The following ZNF236 variants were observed in gnomAD, a reference collection of about 807,000 sequenced individuals.
ZNF236 encodes the protein regulated by glucose.
A neutral mutation model predicts 191.2 loss-of-function variants in ZNF236; 50 were observed. The observed-to-expected ratio is 0.26, with a 90% CI of 0.21 to 0.33. ZNF236 has a LOEUF of 0.33. Ranked by LOEUF, ZNF236 falls within the 10% of genes least tolerant of loss-of-function variation. The pLI is 1.00. For missense variants in ZNF236, 1,754 were observed against 2,374.5 expected (o/e 0.74, Z 5.43); for synonymous variants, 907 against 928.8 (o/e 0.98, Z 0.43).
At chr18:76,838,449 G>A (rs1286751949) in intron 1 of ZNF236, among the ~76,000 whole-genome samples, 2 of 152,174 alleles carry the variant, frequency 1.3e-5, no homozygotes, top group Admixed American at 1.3e-4. Context: ...GAAATTTCAG[G>A]GATTGCAGTC....
At chr18:76,944,430 A>T (rs1968209038) in intron 26 of ZNF236, among the ~76,000 whole-genome samples, 1 of 152,254 alleles carries the variant, frequency 6.6e-6, no homozygotes, top group African/African-American at 2.4e-5. Context: ...TTCCATAAGT[A>T]TAGCTAATCG....
intron 9 of ZNF236, among the ~76,000 whole-genome samples, chr18:76,884,400 CAAA>C (rs58881647): frequency 1.1e-5 from 1 of 93,000 alleles, no homozygotes; most frequent in East Asian, 3.3e-4. Flanking sequence ...GACTCCATCT[CAAA>C]AAAAAAAAAA....
intron 10 of ZNF236, among the ~76,000 whole-genome samples, chr18:76,897,213 TAGTACTGCACACAGGTACCAAAC>T (rs1243052061): frequency 4.2e-5 from 6 of 144,542 alleles, no homozygotes; most frequent in Non-Finnish European, 9.0e-5. Flanking sequence ...GTACCAAACA[TAGTACTGCACACAGGTACCAAAC>T]AGTACTGCCC....
At chr18:76,923,015 A>C (rs1217512780) in intron 20 of ZNF236, 56 bp from the exon 21 acceptor site, 1 of 1,333,036 alleles carries the variant, frequency 7.5e-7, no homozygotes, top group Non-Finnish European at 1.1e-6. Context: ...ATAGTTATAA[A>C]TTTCAAATCA....
At chr18:76,898,603 A>G (rs1464620667) in intron 10 of ZNF236, among the ~76,000 whole-genome samples, 1 of 152,204 alleles carries the variant, frequency 6.6e-6, no homozygotes, top group Non-Finnish European at 1.5e-5. Context: ...TTTATTTGCA[A>G]AATGTGAGAC....
At position 76,904,444 on chromosome 18, in the gene ZNF236, T is replaced by C; in HGVS notation, c.1959T>C (p.Asn653=). 2 of 1,611,554 alleles carry C rather than the reference T, an allele frequency of 1.2e-6. No homozygotes were observed. The highest frequency in any genetic ancestry group is 2.2e-5 in the East Asian group (1 of 44,588). The part of the protein sequence containing the change: ...FQSYFNNNFV[N]EADRPYKCFY... ...GCTATTTCAATAATAATTTTGTCAA[T>C]GAAGCAGATAGACCATACAAGTGTT... Residue 653 remains asparagine (N), a synonymous_variant, in exon 12 of 31, where the codon AAT becomes AAC. Coordinates refer to ENST00000320610, the MANE Select transcript of ZNF236 (RefSeq NM_001306089.2).
chr18:76,968,229 T>C lies in ZNF236; in HGVS notation c.5434T>C (p.Ser1812Pro), dbSNP rs1273449900. 2 of 1,613,672 alleles carry C rather than the reference T, an allele frequency of 1.2e-6. No individual in the cohort carries two copies. Among genetic ancestry groups the C allele is most frequent in the Admixed American group, 3.3e-5 (2 of 59,934 alleles). Residue 1812 changes from serine to proline, a missense_variant, in exon 31 of 31, where the codon TCT becomes CCT. This residue lies in a region of ZNF236 where 606 missense variants were observed against 761.5 expected (regional missense o/e 0.80). Transcript: ENST00000320610. Reference protein sequence around the residue: ...AHSYAGALQESAGHPEQDGEE... With the variant: ...AHSYAGALQEPAGHPEQDGEE... ...CTGCATAACAGGAGCTCTGCAGGAG[T>C]CTGCAGGTCACCCGGAGCAGGACGG...
chr18:76,866,507 C>G (rs1345320653), intron 3 of ZNF236, among the ~76,000 whole-genome samples: 3 of 152,124 alleles, frequency 2.0e-5, no homozygotes, highest in African/African-American at 7.2e-5. Flanking sequence ...ATCCGAGGGC[C>G]GGGGTTGGAC....
intron 25 of ZNF236, among the ~76,000 whole-genome samples, chr18:76,928,432 T>A (rs967885811): frequency 2.6e-5 from 4 of 152,232 alleles, no homozygotes; most frequent in Non-Finnish European, 5.9e-5. Context: ...TTCTCACTCA[T>A]GCTCCATGAA....
In ZNF236 at chr18:76,919,634, A is replaced by C. The variant is rs1599394200; in HGVS notation, c.3275-142A>C. ...TTTCTCAATAGAGGTGGGAAAATAT[A>C]GCAACTCTCTACCATCATAAAAATA... On this transcript the variant is annotated intron_variant, in intron 19 of 30. Transcript: ENST00000320610. The surrounding 1 kb of genome is among the most constrained non-coding windows in gnomAD (Gnocchi z 5.3). 9.8e-7 allele frequency: 1 copy of C among 1,023,178 alleles called. No homozygotes were observed. The highest frequency in any genetic ancestry group is 1.6e-5 in the African/African-American group (1 of 61,760). The allele number at this position is 1,023,178 out of a possible 1,614,324, so 63.4% of individuals were successfully genotyped here. A position where few individuals can be genotyped will look rare whatever the true frequency, so the allele number is the denominator to read the frequency against.
chr18:76,833,021 C>T (rs7244542), intron 1 of ZNF236, among the ~76,000 whole-genome samples: 28,343 of 152,068 alleles, frequency 0.19, 2,810 homozygotes, highest in Middle Eastern at 0.25. Context: ...CTATATGTTG[C>T]TTGTTCATAG....
chr18:76,929,524 A>G (rs140096585), intron 25 of ZNF236, among the ~76,000 whole-genome samples: 1 of 152,198 alleles, frequency 6.6e-6, no homozygotes, highest in African/African-American at 2.4e-5. Flanking sequence ...TGTATTCTTC[A>G]GTTTGTGGAT....
intron 30 of ZNF236, among the ~76,000 whole-genome samples, chr18:76,962,529 T>A (rs1218043838): frequency 6.6e-6 from 1 of 152,260 alleles, no homozygotes; most frequent in African/African-American, 2.4e-5. Flanking sequence ...AGTCTTACTT[T>A]GGCTATGTGA....
At chr18:76,945,422 G>A (rs185540782) in intron 26 of ZNF236, among the ~76,000 whole-genome samples, 6 of 152,308 alleles carry the variant, frequency 3.9e-5, no homozygotes, top group East Asian at 3.9e-4. Context: ...AGCATTCACC[G>A]GTATTTGAAA....
chr18:76,885,353 C>T (rs1977019135), intron 9 of ZNF236: 1 of 152,444 alleles, frequency 6.6e-6, no homozygotes. Context: ...GGGGGCAATG[C>T]ACTTATAAAC....
At chr18:76,902,675 G>A (rs552878036) in intron 11 of ZNF236, among the ~76,000 whole-genome samples, 3 of 152,206 alleles carry the variant, frequency 2.0e-5, no homozygotes, top group South Asian at 2.1e-4. Context: ...GGGTTCAAGC[G>A]ATTCTCCTGC....
At chr18:76,954,502 CT>C (rs1968477470) in intron 27 of ZNF236, among the ~76,000 whole-genome samples, 1 of 152,202 alleles carries the variant, frequency 6.6e-6, no homozygotes, top group Non-Finnish European at 1.5e-5. Flanking sequence ...GCTTTTCAGA[CT>C]TTTTTGACTC....
intron 20 of ZNF236, among the ~76,000 whole-genome samples, chr18:76,920,774 A>G (rs1342450281): frequency 6.6e-6 from 1 of 152,164 alleles, no homozygotes; most frequent in African/African-American, 2.4e-5. Context: ...CTAATTGGCA[A>G]TCGGCCAAAC....
chr18:76,922,988 A>T, intron 20 of ZNF236, 83 bp from the exon 21 acceptor site: 1 of 1,039,378 alleles, frequency 9.6e-7, no homozygotes, highest in Non-Finnish European at 1.5e-6. Context: ...ACGTAGTAAC[A>T]CCTAATTTTA....
Sources: allele counts gnomAD v4.1 joint callset (sites outside exome capture counted in the v4.1 genomes callset), GRCh38; gene constraint gnomAD v4.1.1; regional missense constraint gnomAD v4.1.1; non-coding constraint Gnocchi (gnomAD v3.1); transcripts MANE v1.5; gene names NCBI Gene and HGNC (gene_info 2026-07-23, HGNC 2026-07-21).